SCAMP5: variants seen among roughly 807,000 people sequenced by gnomAD.
SCAMP5 encodes secretory carrier-associated membrane protein 5.
In SCAMP5, 7 loss-of-function variants were observed where a neutral mutation model predicts 28.3. That is an observed-to-expected ratio of 0.25 (90% CI 0.14 to 0.46). The LOEUF (loss-of-function observed/expected upper bound fraction) is 0.46, where lower values mean the gene tolerates loss of function less well. SCAMP5 is among the 20% of genes least tolerant of loss of function. The pLI, the probability that SCAMP5 is intolerant of heterozygous loss-of-function variation, is 0.99. For missense variants in SCAMP5, 192 were observed against 312.5 expected, an observed-to-expected ratio of 0.61 and a Z score of 2.91; for synonymous variants, 117 against 116.4, an observed-to-expected ratio of 1.00 and a Z score of -0.03.
rs2065896546 is a variant in SCAMP5, at chr15:75,020,527, C to T, written c.*1544C>T. 1 of 152,442 alleles carries T rather than the reference C, an allele frequency of 6.6e-6. No individual in the cohort carries two copies. Among genetic ancestry groups the T allele is most frequent in the African/African-American group, 2.4e-5 (1 of 41,444 alleles). The allele number at this position is 152,442 out of a possible 1,614,324, so 9.4% of individuals were successfully genotyped here. ...CTCCCTTCTGCCTACAGGCCTTGGT[C>T]TTGGCTTGTCCTCACCCAGTCGGAA... On this transcript the variant is annotated 3_prime_UTR_variant, in exon 7 of 7. Coordinates refer to ENST00000425597, the MANE Select transcript of SCAMP5 (RefSeq NM_138967.4).
intron 1 of SCAMP5, among the ~76,000 whole-genome samples, chr15:75,010,657 A>G (rs888184873): frequency 2.0e-5 from 3 of 152,186 alleles, no homozygotes; most frequent in African/African-American, 7.2e-5. Context: ...ACAAAATATT[A>G]AAAAATTAGC....
intron 1 of SCAMP5, 108 bp from the exon 2 acceptor site, chr15:75,011,684 T>C: frequency 2.1e-6 from 1 of 483,706 alleles, no homozygotes; most frequent in Non-Finnish European, 3.8e-6. Flanking sequence ...TGTGGGAGTA[T>C]GTGCTGGGTC....
chr15:74,997,451 C>T (rs780900427), intron 1 of SCAMP5: 6 of 152,224 alleles, frequency 3.9e-5, no homozygotes, highest in Non-Finnish European at 7.3e-5. Flanking sequence ...CTCCTGGAAA[C>T]TCCATCCAGG....
chr15:75,006,570 G>A (rs181441412), intron 1 of SCAMP5, among the ~76,000 whole-genome samples: 38 of 151,944 alleles, frequency 2.5e-4, no homozygotes, highest in African/African-American at 7.5e-4. Context: ...GGTGGATCAC[G>A]AGGTCAAGAG....
intron 1 of SCAMP5, among the ~76,000 whole-genome samples, chr15:75,006,587 A>G (rs2141436082): frequency 6.6e-6 from 1 of 152,174 alleles, no homozygotes; most frequent in South Asian, 2.1e-4. Context: ...AGAGATCGAG[A>G]CTATCCTGGC....
At position 75,017,397 on chromosome 15, in the gene SCAMP5, T is replaced by C. The variant is rs1658244473; in HGVS notation, c.294-473T>C. On this transcript the variant is annotated intron_variant, in intron 4 of 6. Transcript: ENST00000425597. ...ATGCTAATGGGGCCTTAAATCTCTT[T>C]GTGCCAATCAGGCCATCCATCTAAG... Among the ~76,000 whole-genome samples, 4 of 152,298 alleles carry C rather than the reference T, an allele frequency of 2.6e-5. No homozygotes were observed. The South Asian group carries it at 8.3e-4, about 32-fold the overall frequency.
intron 1 of SCAMP5, among the ~76,000 whole-genome samples, chr15:75,004,050 A>G (rs75282195): frequency 6.6e-6 from 1 of 152,004 alleles, no homozygotes; most frequent in Admixed American, 6.6e-5. Flanking sequence ...GATTACAGGC[A>G]TGCACCACCA....
At chr15:75,011,518 G>A (rs1432421678) in intron 1 of SCAMP5, 1 of 263,456 alleles carries the variant, frequency 3.8e-6, no homozygotes, top group East Asian at 6.4e-5. Context: ...TTCCCTGTAT[G>A]GGATCCCCTC....
At chr15:75,010,558 A>G (rs1396640241) in intron 1 of SCAMP5, among the ~76,000 whole-genome samples, 1 of 152,110 alleles carries the variant, frequency 6.6e-6, no homozygotes, top group East Asian at 1.9e-4. Flanking sequence ...CATGCCTATA[A>G]TCCCAGTGCT....
At chr15:74,998,377 G>A (rs932121359) in intron 1 of SCAMP5, among the ~76,000 whole-genome samples, 7 of 152,088 alleles carry the variant, frequency 4.6e-5, no homozygotes, top group African/African-American at 1.7e-4. Flanking sequence ...AGGCCGAGGC[G>A]GGTGGATCAC....
chr15:75,011,642 G>A, intron 1 of SCAMP5, 150 bp from the exon 2 acceptor site: 1 of 417,520 alleles, frequency 2.4e-6, no homozygotes, highest in Non-Finnish European at 4.4e-6. Flanking sequence ...GCTCTGGGAG[G>A]AGGGGAGCTG....
chr15:75,004,405 T>G (rs142452515), intron 1 of SCAMP5, among the ~76,000 whole-genome samples: 3 of 152,148 alleles, frequency 2.0e-5, no homozygotes, highest in Admixed American at 2.0e-4. Context: ...AGACACTGCT[T>G]CTAAAGACCA....
In SCAMP5 at chr15:75,017,866, G is replaced by T; in HGVS notation, c.294-4G>T. On this transcript the variant is annotated splice_region_variant and splice_polypyrimidine_tract_variant and intron_variant, in intron 4 of 6. Transcript: ENST00000425597. ...GGTGACGGGAGCCACCTCCTCTGCC[G>T]CAGGACTGACAGCTCCTTCAGTTTC... 1.2e-6 allele frequency: 2 copies of T among 1,608,092 alleles called. No individual in the cohort carries two copies. Among genetic ancestry groups the T allele is most frequent in the Non-Finnish European group, 8.5e-7 (1 of 1,174,686 alleles).
At chr15:75,017,383 G>T (rs2065868072) in intron 4 of SCAMP5, among the ~76,000 whole-genome samples, 1 of 152,104 alleles carries the variant, frequency 6.6e-6, no homozygotes, top group East Asian at 1.9e-4. Context: ...TGCTAATGGG[G>T]CCTTAAATCT....
intron 3 of SCAMP5, among the ~76,000 whole-genome samples, chr15:75,013,651 A>G (rs1465931098): frequency 2.0e-5 from 3 of 152,032 alleles, no homozygotes; most frequent in Non-Finnish European, 4.4e-5. Flanking sequence ...TATGGGCAAC[A>G]TAGCAATACC....
rs981399966 is a variant in SCAMP5 at position 74,999,955 on chromosome 15, ATTG to A, written c.-49+4286_-49+4288del. ...TTAACATGAAAAACTTTCACGAGAT[ATTG>A]TTGAGTGGAAAAAAACAGGTTATAA... On this transcript the variant is annotated intron_variant, in intron 1 of 6. Coordinates refer to ENST00000425597, the MANE Select transcript of SCAMP5 (RefSeq NM_138967.4). Among the ~76,000 whole-genome samples the A allele has an allele frequency of 5.3e-5, 8 of 152,344 alleles. 1 individual carries two copies. The highest frequency in any genetic ancestry group is 1.9e-4 in the African/African-American group (8 of 41,580).
chr15:75,015,973 T>G (rs190211044), intron 3 of SCAMP5, among the ~76,000 whole-genome samples: 1 of 151,576 alleles, frequency 6.6e-6, no homozygotes, highest in Non-Finnish European at 1.5e-5. Context: ...AGACTGAGAT[T>G]CCAGCCGCCA....
chr15:75,002,622 A>G (rs1258228107), intron 1 of SCAMP5, among the ~76,000 whole-genome samples: 2 of 151,818 alleles, frequency 1.3e-5, no homozygotes, highest in African/African-American at 2.4e-5. Flanking sequence ...CCTCAGTGGC[A>G]TTATCACATT....
At chr15:75,006,364 C>A (rs909245066) in intron 1 of SCAMP5, among the ~76,000 whole-genome samples, 54 of 152,136 alleles carry the variant, frequency 3.5e-4, no homozygotes, top group Middle Eastern at 6.8e-3. Context: ...TAAAAAAAAT[C>A]TATGTGGGCC....
Sources: gnomAD v4.1 joint callset for allele counts (sites outside exome capture counted in the v4.1 genomes callset) on GRCh38, gnomAD v4.1.1 for gene constraint, MANE v1.5 for transcripts, NCBI Gene and HGNC (gene_info 2026-07-23, HGNC 2026-07-21) for gene names.